CSMD1: variants seen among roughly 807,000 people sequenced by gnomAD.
The protein encoded by CSMD1 is CUB and sushi domain-containing protein 1.
Under a neutral mutation model 417.5 loss-of-function variants are expected in CSMD1, and 213 were observed. That is an observed-to-expected ratio of 0.51 (90% CI 0.46 to 0.57). The LOEUF (loss-of-function observed/expected upper bound fraction) is 0.57. Among genes scored for constraint, CSMD1 ranks in the 20% least tolerant of loss-of-function variants. CSMD1 has a pLI of 0.00. For synonymous variants in CSMD1, 2,862 were observed against 1,736.8 expected (o/e 1.65, Z -16.11); for missense variants, 6,923 against 4,529.7 (o/e 1.53, Z -15.17).
At chr8:4,141,051 TA>T (rs1803759928) in intron 3 of CSMD1, among the ~76,000 whole-genome samples, 1 of 151,300 alleles carries the variant, frequency 6.6e-6, no homozygotes, top group South Asian at 2.1e-4. Flanking sequence ...TATTTAGTTC[TA>T]ACAAATTATA....
intron 5 of CSMD1, among the ~76,000 whole-genome samples, chr8:3,773,865 T>A (rs543411185): frequency 6.6e-6 from 1 of 152,258 alleles, no homozygotes; most frequent in East Asian, 1.9e-4. Context: ...TTTTGATCAT[T>A]ACTATGTTGC....
In CSMD1 at chr8:4,560,396, G is replaced by C. The variant is rs1798276069; in HGVS notation, c.302+76946C>G. Among the ~76,000 whole-genome samples the C allele has an allele frequency of 2.0e-5, 3 of 152,274 alleles. No homozygotes were observed. The South Asian group carries it at 6.2e-4, about 32-fold the overall frequency. ...TGAAAGATAAATGTTCCTAGTCCTT[G>C]CCTTTTCCTACACAAAAGATCATGT... On this transcript the variant is annotated intron_variant, in intron 2 of 69. Coordinates refer to ENST00000635120, the MANE Select transcript of CSMD1 (RefSeq NM_033225.6).
At chr8:3,498,296 A>G (rs2406291) in intron 10 of CSMD1, among the ~76,000 whole-genome samples, 115,105 of 152,046 alleles carry the variant, frequency 0.76, 43,730 homozygotes, top group Middle Eastern at 0.84. Flanking sequence ...GATATTTTGG[A>G]GGTATATGTG....
chr8:3,681,872 T>C (rs1472945788), intron 7 of CSMD1, among the ~76,000 whole-genome samples: 1 of 152,060 alleles, frequency 6.6e-6, no homozygotes, highest in Admixed American at 6.5e-5. Flanking sequence ...AACAGAGCCC[T>C]CAGAAATAAT....
At position 3,996,491 on chromosome 8, in the gene CSMD1, A is replaced by G. The variant is rs535750338; in HGVS notation, c.818+1412T>C. 2.6e-5 allele frequency among the ~76,000 whole-genome samples: 4 copies of G among 152,184 alleles called. No homozygotes were observed. The East Asian group carries it at 7.7e-4, about 29-fold the overall frequency. ...TCTTTTTACAAATCGACTTGTCTGA[A>G]GTCATAAGGATTTGCTTTTGGCAGA... On this transcript the variant is annotated intron_variant, in intron 5 of 69. Transcript: ENST00000635120.
At chr8:4,342,323 C>A (rs1020977294) in intron 3 of CSMD1, among the ~76,000 whole-genome samples, 2 of 151,956 alleles carry the variant, frequency 1.3e-5, no homozygotes, top group Non-Finnish European at 2.9e-5. Context: ...GTATGTAAAA[C>A]ATAGGTATTA....
intron 3 of CSMD1, among the ~76,000 whole-genome samples, chr8:4,144,585 G>A (rs1433543083): frequency 6.6e-6 from 1 of 150,944 alleles, no homozygotes; most frequent in Non-Finnish European, 1.5e-5. Flanking sequence ...CTCAGCTACT[G>A]TTAAGTCATA....
At position 4,305,974 on chromosome 8, in the gene CSMD1, T is replaced by C. The variant is rs568582200; in HGVS notation, c.415+113979A>G. On this transcript the variant is annotated intron_variant, in intron 3 of 69. Transcript: ENST00000635120. Reference sequence around the variant, plus strand: ...GGGTAACTTTCATACTGATACATAGTGTGCCCAGACATTACCTTAATGGTT... The same window carrying C: ...GGGTAACTTTCATACTGATACATAGCGTGCCCAGACATTACCTTAATGGTT... Among the ~76,000 whole-genome samples the C allele has an allele frequency of 2.6e-5, 4 of 152,290 alleles. No individual in the cohort carries two copies. The East Asian group carries it at 7.7e-4, about 29-fold the overall frequency.
chr8:4,369,088 T>TA (rs987002124), intron 3 of CSMD1, among the ~76,000 whole-genome samples: 1 of 152,154 alleles, frequency 6.6e-6, no homozygotes, highest in Non-Finnish European at 1.5e-5. Flanking sequence ...CATTAAGTGC[T>TA]AAAAACTTTC....
At chr8:3,187,226 G>A (rs1265394166) in intron 36 of CSMD1, among the ~76,000 whole-genome samples, 1 of 152,168 alleles carries the variant, frequency 6.6e-6, no homozygotes, top group Non-Finnish European at 1.5e-5. Context: ...CTATTACAAA[G>A]CAAAGTGAAA....
intron 20 of CSMD1, among the ~76,000 whole-genome samples, chr8:3,360,694 T>C (rs1477010888): frequency 6.6e-6 from 1 of 152,234 alleles, no homozygotes; most frequent in Non-Finnish European, 1.5e-5. Flanking sequence ...AAGAAACGTT[T>C]AGAAAACTAT....
chr8:3,487,161 C>G (rs1055757061), intron 11 of CSMD1, among the ~76,000 whole-genome samples: 1 of 152,062 alleles, frequency 6.6e-6, no homozygotes, highest in Non-Finnish European at 1.5e-5. Flanking sequence ...CTGGGCCGCT[C>G]TCTTCAGACA....
At chr8:3,683,965 C>T (rs1413670563) in intron 7 of CSMD1, among the ~76,000 whole-genome samples, 1 of 151,746 alleles carries the variant, frequency 6.6e-6, no homozygotes. Flanking sequence ...CCTTTTGCTT[C>T]ATGTGATTGA....
intron 3 of CSMD1, among the ~76,000 whole-genome samples, chr8:4,332,872 A>C (rs976921834): frequency 6.6e-6 from 1 of 151,660 alleles, no homozygotes; most frequent in African/African-American, 2.4e-5. Context: ...ACACAAAGGA[A>C]TGTTTTTGAG....
intron 3 of CSMD1, among the ~76,000 whole-genome samples, chr8:4,355,340 T>TACACAC (rs1476532531): frequency 7.4e-6 from 1 of 135,722 alleles, no homozygotes; most frequent in Non-Finnish European, 1.7e-5. Flanking sequence ...CACACACACG[T>TACACAC]ATATATGATA....
intron 7 of CSMD1, among the ~76,000 whole-genome samples, chr8:3,632,343 G>A (rs1244224027): frequency 6.6e-6 from 1 of 151,926 alleles, no homozygotes; most frequent in Non-Finnish European, 1.5e-5. Context: ...CTTCAGCCCT[G>A]ACACCCCCCC....
rs149266672 is a variant in CSMD1, at chr8:3,166,689, A to G, written c.5726-4412T>C. Among the ~76,000 whole-genome samples the G allele has an allele frequency of 2.3e-3, 343 of 152,336 alleles. 2 individuals are homozygous for G. The highest frequency in any genetic ancestry group is 7.8e-3 in the African/African-American group (324 of 41,568). ...TCATATAAATAATGGGCAAACCTAT[A>G]GAAATAGACATTTATAAGTATTTAT... On this transcript the variant is annotated intron_variant, in intron 37 of 69. Coordinates refer to ENST00000635120, the MANE Select transcript of CSMD1 (RefSeq NM_033225.6).
chr8:4,899,332 C>T (rs750977582), intron 1 of CSMD1, among the ~76,000 whole-genome samples: 6 of 37,002 alleles, frequency 1.6e-4, no homozygotes, highest in Non-Finnish European at 2.3e-4. Flanking sequence ...ATTGAAGTGG[C>T]ATACACTAAC....
intron 8 of CSMD1, among the ~76,000 whole-genome samples, chr8:3,611,643 G>A (rs777288421): frequency 6.6e-6 from 1 of 151,936 alleles, no homozygotes; most frequent in African/African-American, 2.4e-5. Flanking sequence ...TCAAAAGCTG[G>A]TATCTATCAT....
Sources: gnomAD v4.1 joint callset for allele counts (sites outside exome capture counted in the v4.1 genomes callset) on GRCh38, gnomAD v4.1.1 for gene constraint, MANE v1.5 for transcripts, NCBI Gene and HGNC (gene_info 2026-07-23, HGNC 2026-07-21) for gene names.